Variants in RPH3A observed in about 807,000 individuals in gnomAD.
RPH3A encodes the protein rabphilin 3A.
A neutral mutation model predicts 102.2 loss-of-function variants in RPH3A; 48 were observed. The ratio of observed to expected loss-of-function variants is 0.47; its 90% CI spans 0.37 to 0.60. RPH3A has a LOEUF of 0.60. Ranked by LOEUF, RPH3A falls within the 20% of genes least tolerant of loss-of-function variation. The pLI is 0.00. For synonymous variants in RPH3A, 310 were observed against 324.3 expected, an observed-to-expected ratio of 0.96 and a Z score of 0.47; for missense variants, 781 against 910.1, an observed-to-expected ratio of 0.86 and a Z score of 1.83.
Position 112,735,968 on chromosome 12 carries a change from C to T in RPH3A, c.-139-56175C>T, listed in dbSNP as rs149287332. Among the ~76,000 whole-genome samples, 992 of 152,298 alleles carry T rather than the reference C, an allele frequency of 6.5e-3. 8 individuals are homozygous for T. The highest frequency in any genetic ancestry group is 0.022 in the African/African-American group (901 of 41,564). On this transcript the variant is annotated intron_variant, in intron 1 of 21. Transcript: ENST00000543106. The stretch of plus-strand genomic sequence containing the variant: ...GGGAGGACATCCTGAGACATGTTCT[C>T]TAAACGTGCCTTGCCCTTTACTTTC...
Position 112,869,906 on chromosome 12 carries a change from C to T in RPH3A, c.663C>T (p.Ala221=), listed in dbSNP as rs776294551. Residue 221 remains alanine (A), a synonymous_variant, in exon 10 of 22, where the codon GCC becomes GCT. Transcript: ENST00000389385. ...TCTTCTTTCCAGGCCCTGACCCAGC[C>T]TCTGCTCCCGGGCGAGGAAACTATG... The part of the protein sequence containing the change: ...GPGQKTGPDP[A]SAPGRGNYGP... 1.1e-5 allele frequency: 18 copies of T among 1,613,996 alleles called. No individual in the cohort carries two copies. The highest frequency in any genetic ancestry group is 1.6e-4 in the Middle Eastern group (1 of 6,082).
chr12:112,799,863 A>T (rs1159249352), intron 2 of RPH3A, among the ~76,000 whole-genome samples: 1 of 152,212 alleles, frequency 6.6e-6, no homozygotes, highest in African/African-American at 2.4e-5. Context: ...ATTCAGTGGG[A>T]CTAGGATGGA....
At chr12:112,752,625 T>A (rs1277865530) in intron 1 of RPH3A, among the ~76,000 whole-genome samples, 1 of 150,356 alleles carries the variant, frequency 6.7e-6, no homozygotes. Context: ...AAGGCAAGTC[T>A]CAATTTCAAA....
chr12:112,697,592 A>C (rs1056957467), intron 1 of RPH3A, among the ~76,000 whole-genome samples: 1 of 152,228 alleles, frequency 6.6e-6, no homozygotes, highest in African/African-American at 2.4e-5. Context: ...AGGGCCAGGC[A>C]TGGTGACTCA....
At chr12:112,804,159 C>T (rs984717663) in intron 2 of RPH3A, among the ~76,000 whole-genome samples, 4 of 152,182 alleles carry the variant, frequency 2.6e-5, no homozygotes, top group Admixed American at 6.5e-5. Flanking sequence ...AAACCAATTT[C>T]CCAAGATTGC....
chr12:112,714,065 A>C (rs1477622765), intron 1 of RPH3A, among the ~76,000 whole-genome samples: 1 of 152,094 alleles, frequency 6.6e-6, no homozygotes, highest in Admixed American at 6.5e-5. Flanking sequence ...TGGTACATGA[A>C]GTGTGTGGCA....
intron 3 of RPH3A, among the ~76,000 whole-genome samples, chr12:112,831,510 A>G (rs1306546268): frequency 6.6e-6 from 1 of 151,922 alleles, no homozygotes; most frequent in African/African-American, 2.4e-5. Flanking sequence ...ATCTTAGTTT[A>G]ATCCTTTATT....
At chr12:112,753,309 C>A (rs2040798340) in intron 1 of RPH3A, among the ~76,000 whole-genome samples, 1 of 152,218 alleles carries the variant, frequency 6.6e-6, no homozygotes, top group Admixed American at 6.5e-5. Flanking sequence ...CCTATCCATT[C>A]AATCAGGGCA....
intron 1 of RPH3A, among the ~76,000 whole-genome samples, chr12:112,715,276 C>T (rs2040505680): frequency 6.6e-6 from 1 of 152,202 alleles, no homozygotes; most frequent in Non-Finnish European, 1.5e-5. Context: ...AATGCCACTT[C>T]CTTGAGAAGC....
intron 1 of RPH3A, among the ~76,000 whole-genome samples, chr12:112,673,950 A>G (rs1040813509): frequency 2.0e-5 from 3 of 152,036 alleles, no homozygotes; most frequent in African/African-American, 7.2e-5. Context: ...ATTGAGATGG[A>G]TTCTTGTTAT....
intron 1 of RPH3A, among the ~76,000 whole-genome samples, chr12:112,615,788 T>C (rs755529456): frequency 5.3e-5 from 8 of 152,144 alleles, no homozygotes; most frequent in Non-Finnish European, 1.2e-4. Context: ...ACTGGTGGGG[T>C]GAGCTGTGGA....
At chr12:112,798,705 T>C (rs12823894) in intron 2 of RPH3A, among the ~76,000 whole-genome samples, 6 of 152,102 alleles carry the variant, frequency 3.9e-5, no homozygotes, top group African/African-American at 1.2e-4. Context: ...GTCACTGTGG[T>C]GCTAAGCCCC....
rs554531792 is a variant in RPH3A at position 112,868,359 on chromosome 12, T to A, written c.445-71T>A. The A allele has an allele frequency of 2.3e-5, 34 of 1,491,760 alleles. No homozygotes were observed. In the African/African-American group the frequency reaches 4.6e-4, roughly 20 times the overall value. The allele number at this position is 1,491,760 out of a possible 1,614,324, so 92.4% of individuals were successfully genotyped here. Reference sequence around the variant, plus strand: ...TTTGGATGAGGAGGAAAGATAAAAATGGGCACTCATGAAGGTAAGAGCAAC... The same window carrying A: ...TTTGGATGAGGAGGAAAGATAAAAAAGGGCACTCATGAAGGTAAGAGCAAC... On this transcript the variant is annotated intron_variant, in intron 7 of 21. Coordinates refer to ENST00000389385, the MANE Select transcript of RPH3A (RefSeq NM_001143854.2).
intron 1 of RPH3A, among the ~76,000 whole-genome samples, chr12:112,646,253 C>A (rs1277943632): frequency 6.6e-6 from 1 of 152,102 alleles, no homozygotes; most frequent in Non-Finnish European, 1.5e-5. Flanking sequence ...AATTCAGTGC[C>A]TTGACAACTT....
chr12:112,887,832 A>G lies in RPH3A; in HGVS notation c.1472A>G (p.Asn491Ser). 4 of 1,613,918 alleles carry G rather than the reference A, an allele frequency of 2.5e-6. No individual in the cohort carries two copies. The highest frequency in any genetic ancestry group is 3.4e-6 in the Non-Finnish European group (4 of 1,179,822). ...SVCDEDKFGH[N>S]EFIGETRFSL... ...TGTGATGAGGACAAATTTGGCCACA[A>G]TGAATTTATTGGTGAGACCAGATTC... The change falls in exon 17 of 22, where the codon AAT becomes AGT. Residue 491 changes from asparagine to serine, a missense_variant. Around this residue, in one of 2 missense-constraint regions of RPH3A, gnomAD observed 730 missense variants for 810.0 expected, o/e 0.90. Coordinates refer to ENST00000389385, the MANE Select transcript of RPH3A (RefSeq NM_001143854.2).
At chr12:112,819,430 C>T (rs368673167) in intron 2 of RPH3A, among the ~76,000 whole-genome samples, 3 of 152,102 alleles carry the variant, frequency 2.0e-5, no homozygotes, top group African/African-American at 7.2e-5. Flanking sequence ...TTTACATCCT[C>T]ATTTTACAGA....
intron 4 of RPH3A, among the ~76,000 whole-genome samples, chr12:112,844,562 C>A (rs1230872535): frequency 1.3e-5 from 2 of 152,156 alleles, no homozygotes; most frequent in Non-Finnish European, 2.9e-5. Context: ...CCCAGTTAAG[C>A]CAAGCCCAGC....
At chr12:112,781,634 T>C (rs1456926374) in intron 1 of RPH3A, among the ~76,000 whole-genome samples, 3 of 152,204 alleles carry the variant, frequency 2.0e-5, no homozygotes, top group African/African-American at 2.4e-5. Flanking sequence ...AGTAAGAACC[T>C]CTCACCCAGG....
Position 112,754,344 on chromosome 12 carries a change from A to AC in RPH3A, c.-139-37799_-139-37798insC, listed in dbSNP as rs1359698688. Among the ~76,000 whole-genome samples, 504 of 130,996 alleles carry AC rather than the reference A, an allele frequency of 3.8e-3. 4 individuals are homozygous for AC. Among genetic ancestry groups the AC allele is most frequent in the Middle Eastern group, 0.012 (3 of 250 alleles). The allele number at this position is 130,996 out of a possible 152,430, so 85.9% of individuals were successfully genotyped here. A position where few individuals can be genotyped will look rare whatever the true frequency, so the allele number is the denominator to read the frequency against. On this transcript the variant is annotated intron_variant, in intron 1 of 21. Transcript: ENST00000543106. Reference sequence around the variant, plus strand: ...AAGCATCTGCCTTAGTGCCTGTAGTATAATAGGTGCCAAGCAAATAAACAG... The same window carrying AC: ...AAGCATCTGCCTTAGTGCCTGTAGTACTAATAGGTGCCAAGCAAATAAACAG...
Sources: gnomAD v4.1 joint callset for allele counts (sites outside exome capture counted in the v4.1 genomes callset) on GRCh38, gnomAD v4.1.1 for gene constraint, gnomAD v4.1.1 regional missense constraint, MANE v1.5 for transcripts, NCBI Gene and HGNC (gene_info 2026-07-23, HGNC 2026-07-21) for gene names.